The following TOMM70 variants were observed in gnomAD, a reference collection of about 807,000 sequenced individuals.
TOMM70 encodes the protein translocase of outer mitochondrial membrane 70.
A neutral mutation model predicts 73.6 loss-of-function variants in TOMM70; 13 were observed. The ratio of observed to expected loss-of-function variants is 0.18; its 90% CI spans 0.11 to 0.28. TOMM70 has a LOEUF of 0.28. Among genes scored for constraint, TOMM70 ranks in the 10% least tolerant of loss-of-function variants. The probability of loss-of-function intolerance (pLI) is 1.00; values close to 1 mark genes in which losing one functional copy is unlikely to be tolerated. For missense variants in TOMM70, 609 were observed against 747.5 expected (o/e 0.81, Z 2.16); for synonymous variants, 257 against 271.2 (o/e 0.95, Z 0.51).
chr3:100,395,980 T>C (rs1706821426), intron 1 of TOMM70, among the ~76,000 whole-genome samples: 1 of 150,172 alleles, frequency 6.7e-6, no homozygotes, highest in Admixed American at 6.7e-5. Context: ...TGTATTGTGA[T>C]AAGGAGACTA....
At chr3:100,377,995 C>G in intron 5 of TOMM70, 83 bp from the exon 6 acceptor site, 1 of 1,275,388 alleles carries the variant, frequency 7.8e-7, no homozygotes, top group Non-Finnish European at 1.1e-6. Context: ...GCCTGTAATC[C>G]CAGCACTTTG....
chr3:100,365,751 A>G (rs1480358241), intron 11 of TOMM70, 34 bp from the exon 12 acceptor site: 19 of 1,611,444 alleles, frequency 1.2e-5, no homozygotes, highest in Non-Finnish European at 1.6e-5. Context: ...CTCAGATTCA[A>G]CAAGCACTTC....
rs1172298347 is a variant in TOMM70 at position 100,372,716 on chromosome 3, G to A, written c.1342C>T (p.Gln448Ter). 6.2e-7 allele frequency: 1 copy of A among 1,612,374 alleles called. No homozygotes were observed. The highest frequency in any genetic ancestry group is 8.5e-7 in the Non-Finnish European group (1 of 1,179,326). Residue 448 changes from glutamine to a stop codon, truncating the protein, a stop_gained, in exon 9 of 12, where the codon CAG (glutamine) becomes TAG (stop). Transcript: ENST00000284320. LOFTEE classifies it high-confidence loss of function. ...QAQKCFALYRQAYTGNNSSQI... is the reference protein window; with the variant it reads ...QAQKCFALYR ...GAAGAGTTGTTTCCCGTATATGCCTGGCGGTACTATAAAAAATCAAAACAG... is the reference window on the plus strand; with the variant it reads ...GAAGAGTTGTTTCCCGTATATGCCTAGCGGTACTATAAAAAATCAAAACAG...
chr3:100,400,246 T>C (rs1293258897), intron 1 of TOMM70, among the ~76,000 whole-genome samples: 1 of 152,152 alleles, frequency 6.6e-6, no homozygotes, highest in Admixed American at 6.5e-5. Flanking sequence ...GTTGTAGGCT[T>C]TGGAAATCAC....
At chr3:100,397,619 A>G (rs943373515) in intron 1 of TOMM70, among the ~76,000 whole-genome samples, 1 of 152,250 alleles carries the variant, frequency 6.6e-6, no homozygotes, top group African/African-American at 2.4e-5. Context: ...GGTCAGGGGC[A>G]GTGGCTCATG....
chr3:100,391,709 G>A (rs745376122), intron 1 of TOMM70, among the ~76,000 whole-genome samples: 1 of 152,080 alleles, frequency 6.6e-6, no homozygotes, highest in African/African-American at 2.4e-5. Flanking sequence ...GTAGCTGTAC[G>A]TTAAGCTAAA....
Position 100,364,442 on chromosome 3 carries a change from A to G in TOMM70, c.*1122T>C, listed in dbSNP as rs1432978002. ...ACATCCTTTTTGACCCTTTAGCCAC[A>G]TGTCCTTCACGAGAAATTTTAAGCT... On this transcript the variant is annotated 3_prime_UTR_variant, in exon 12 of 12. Transcript: ENST00000284320. The G allele has an allele frequency of 1.3e-5, 2 of 152,202 alleles. No individual in the cohort carries two copies. The highest frequency in any genetic ancestry group is 6.5e-5 in the Admixed American group (1 of 15,282). 9.4% of individuals were successfully genotyped at this position (152,202 alleles called of 1,614,324 possible).
chr3:100,372,566 T>A (rs755553696), intron 9 of TOMM70, 40 bp downstream of exon 9: 1 of 1,454,188 alleles, frequency 6.9e-7, no homozygotes. Flanking sequence ...ATTTGGCATA[T>A]GTATGCAGTT....
chr3:100,381,865 C>T, intron 4 of TOMM70, 102 bp from the exon 5 acceptor site: 1 of 1,239,698 alleles, frequency 8.1e-7, no homozygotes. Context: ...AAATTGGATT[C>T]TCATTTTCAA....
chr3:100,381,633 G>T lies in TOMM70; in HGVS notation c.866C>A (p.Ala289Asp). ...TACTTACTTTTCTTTCACTTCTAAAGCCTCCCCTTCCTTGTCTTTATCTTC... is the reference window on the plus strand; with the variant it reads ...TACTTACTTTTCTTTCACTTCTAAATCCTCCCCTTCCTTGTCTTTATCTTC... ...SDEDKDKEGE[A>D]LEVKENSGYL... The change falls in exon 5 of 12, where the codon GCT becomes GAT. Residue 289 changes from alanine to aspartate, a missense_variant. Physicochemically the swap from Ala to Asp is moderately radical, Grantham distance 126. This residue lies in a region of TOMM70 where 432 missense variants were observed against 584.1 expected (regional missense o/e 0.74). Transcript: ENST00000284320. 1.2e-6 allele frequency: 2 copies of T among 1,612,844 alleles called. No homozygotes were observed. The highest frequency in any genetic ancestry group is 1.7e-6 in the Non-Finnish European group (2 of 1,179,324).
At chr3:100,393,541 A>G (rs1329245933) in intron 1 of TOMM70, among the ~76,000 whole-genome samples, 1 of 152,200 alleles carries the variant, frequency 6.6e-6, no homozygotes, top group Non-Finnish European at 1.5e-5. Context: ...CTCAGACTTT[A>G]CCACTATACA....
intron 5 of TOMM70, among the ~76,000 whole-genome samples, chr3:100,378,475 A>G (rs969181472): frequency 2.0e-5 from 3 of 152,166 alleles, no homozygotes; most frequent in African/African-American, 7.2e-5. Flanking sequence ...AGGAAGCAGC[A>G]GAGTCCTGGG....
In TOMM70 at chr3:100,389,241, A is replaced by C. The variant is rs1706732139; in HGVS notation, c.325-2263T>G. Among the ~76,000 whole-genome samples, 4 of 152,240 alleles carry C rather than the reference A, an allele frequency of 2.6e-5. No homozygotes were observed. In the South Asian group the frequency reaches 6.2e-4, roughly 24 times the overall value. ...CTAAAGCAAGATTATTTTGTAACTA[A>C]AGTCTTATACCTAGCTAAACTAGCA... On this transcript the variant is annotated intron_variant, in intron 1 of 11. Transcript: ENST00000284320.
chr3:100,365,541 G>T lies in TOMM70; in HGVS notation c.*23C>A, dbSNP rs1553736763. The T allele has an allele frequency of 1.9e-6, 3 of 1,613,740 alleles. No homozygotes were observed. The Admixed American group carries it at 5.0e-5, about 27-fold the overall frequency. ...AGAGGGGGTAAACTTTTAAAAAGAG[G>T]GTCAGTCTGCTTTCCCCCTGTTTTA... On this transcript the variant is annotated 3_prime_UTR_variant, in exon 12 of 12. Coordinates refer to ENST00000284320, the MANE Select transcript of TOMM70 (RefSeq NM_014820.5).
chr3:100,378,622 T>C (rs762593317), intron 5 of TOMM70, among the ~76,000 whole-genome samples: 13 of 152,208 alleles, frequency 8.5e-5, no homozygotes, highest in Non-Finnish European at 1.5e-4. Context: ...AGTTGTTTAA[T>C]GGCTAAAAGA....
chr3:100,388,369 C>G (rs1056334050), intron 1 of TOMM70, among the ~76,000 whole-genome samples: 1 of 152,124 alleles, frequency 6.6e-6, no homozygotes, highest in African/African-American at 2.4e-5. Context: ...CTGGAGGAAG[C>G]AGAAATCACA....
At chr3:100,378,438 T>TGAA (rs1239736720) in intron 5 of TOMM70, among the ~76,000 whole-genome samples, 1 of 152,102 alleles carries the variant, frequency 6.6e-6, no homozygotes, top group African/African-American at 2.4e-5. Context: ...GGGATTTTCT[T>TGAA]GAAACCTTGG....
At chr3:100,385,861 A>G (rs578096068) in intron 3 of TOMM70, among the ~76,000 whole-genome samples, 1 of 152,332 alleles carries the variant, frequency 6.6e-6, no homozygotes, top group African/African-American at 2.4e-5. Context: ...TCTCAAAGCT[A>G]TATTTATACA....
At chr3:100,395,542 CAAAAAA>C (rs59048767) in intron 1 of TOMM70, among the ~76,000 whole-genome samples, 1 of 81,092 alleles carries the variant, frequency 1.2e-5, no homozygotes, top group Non-Finnish European at 3.2e-5. Context: ...GACTCCAACT[CAAAAAA>C]AAAAAAAAAA....
Sources: gnomAD v4.1 joint callset for allele counts (sites outside exome capture counted in the v4.1 genomes callset) on GRCh38, gnomAD v4.1.1 for gene constraint, gnomAD v4.1.1 regional missense constraint, MANE v1.5 for transcripts, NCBI Gene and HGNC (gene_info 2026-07-23, HGNC 2026-07-21) for gene names.